MECOM: variants seen among roughly 807,000 people sequenced by gnomAD.
The protein encoded by MECOM is MDS1 and EVI1 complex locus, also known as histone-lysine N-methyltransferase MECOM.
Under a neutral mutation model 116.3 loss-of-function variants are expected in MECOM, and 13 were observed. The observed-to-expected ratio is 0.11, with a 90% CI of 0.07 to 0.18. The LOEUF (loss-of-function observed/expected upper bound fraction) is 0.18. MECOM is among the 10% of genes least tolerant of loss of function. The pLI is 1.00. For synonymous variants in MECOM, 528 were observed against 535.2 expected (o/e 0.99, Z 0.19); for missense variants, 1,299 against 1,509.0 (o/e 0.86, Z 2.31).
chr3:169,571,037 A>G (rs559161830), intron 1 of MECOM, among the ~76,000 whole-genome samples: 65 of 152,194 alleles, frequency 4.3e-4, no homozygotes, highest in African/African-American at 1.5e-3. Flanking sequence ...TAGGAAAAAA[A>G]AGGAAGTCAA....
chr3:169,395,438 G>A (rs1044129181), intron 1 of MECOM, among the ~76,000 whole-genome samples: 4 of 151,970 alleles, frequency 2.6e-5, no homozygotes, highest in Non-Finnish European at 1.5e-5. Context: ...TTAAAGGTAC[G>A]GTAAAAATGC....
At chr3:169,373,996 C>A (rs1403042212) in intron 2 of MECOM, among the ~76,000 whole-genome samples, 1 of 151,790 alleles carries the variant, frequency 6.6e-6, no homozygotes, top group East Asian at 1.9e-4. Flanking sequence ...AAGCCCTAAC[C>A]CCCATTAGGG....
intron 2 of MECOM, among the ~76,000 whole-genome samples, chr3:169,330,442 G>A (rs62293347): frequency 0.061 from 9,324 of 152,164 alleles, 296 homozygotes; most frequent in Non-Finnish European, 0.069. Context: ...AAAACATAAT[G>A]ACATCTAGTT....
At chr3:169,127,492 T>C (rs956255622) in intron 5 of MECOM, among the ~76,000 whole-genome samples, 1 of 152,184 alleles carries the variant, frequency 6.6e-6, no homozygotes, top group Non-Finnish European at 1.5e-5. Context: ...ATCTGAATGT[T>C]CCTAGGGGTA....
chr3:169,313,759 T>C (rs964549979), intron 2 of MECOM, among the ~76,000 whole-genome samples: 2 of 152,172 alleles, frequency 1.3e-5, no homozygotes, highest in African/African-American at 4.8e-5. Flanking sequence ...AAAATGGTTC[T>C]TTAAGAGAGG....
At position 169,559,949 on chromosome 3, in the gene MECOM, TG is replaced by T. The variant is rs1332041054; in HGVS notation, c.37+103386del. ...GATGTATTACATATTTTCAAATAAATGTTTTTTTCATACAGGATAATCTGAA... is the reference window on the plus strand; with the variant it reads ...GATGTATTACATATTTTCAAATAAATTTTTTTTCATACAGGATAATCTGAA... On this transcript the variant is annotated intron_variant, in intron 1 of 16. Coordinates refer to ENST00000651503, the MANE Select transcript of MECOM (RefSeq NM_004991.4). Among the ~76,000 whole-genome samples the T allele has an allele frequency of 2.0e-5, 3 of 152,308 alleles. No homozygotes were observed. In the East Asian group the frequency reaches 5.8e-4, roughly 29 times the overall value.
At chr3:169,389,168 C>G (rs1733856030) in intron 1 of MECOM, among the ~76,000 whole-genome samples, 1 of 152,200 alleles carries the variant, frequency 6.6e-6, no homozygotes, top group African/African-American at 2.4e-5. Context: ...ACTAGTACTC[C>G]TAAGCTATTA....
intron 1 of MECOM, among the ~76,000 whole-genome samples, chr3:169,545,376 T>C (rs16854063): frequency 6.6e-6 from 1 of 151,984 alleles, no homozygotes; most frequent in Non-Finnish European, 1.5e-5. Context: ...CCCAGGGGTA[T>C]AATCCTTAGC....
chr3:169,092,391 C>T (rs1487198740), intron 14 of MECOM, among the ~76,000 whole-genome samples: 1 of 151,534 alleles, frequency 6.6e-6, no homozygotes, highest in Non-Finnish European at 1.5e-5. Context: ...TATATAAATG[C>T]ATACATACAT....
chr3:169,086,891 C>T lies in MECOM; in HGVS notation c.3586-1848G>A, dbSNP rs1717941944. 2.0e-5 allele frequency among the ~76,000 whole-genome samples: 3 copies of T among 152,284 alleles called. No individual in the cohort carries two copies. In the South Asian group the frequency reaches 6.2e-4, roughly 32 times the overall value. Reference sequence around the variant, plus strand: ...TCTAGAAAATGGCAAAACAGCATATCTGCCTTTTGGTAATCAAAGGAAATA... The same window carrying T: ...TCTAGAAAATGGCAAAACAGCATATTTGCCTTTTGGTAATCAAAGGAAATA... On this transcript the variant is annotated intron_variant, in intron 16 of 16. Coordinates refer to ENST00000651503, the MANE Select transcript of MECOM (RefSeq NM_004991.4).
intron 1 of MECOM, among the ~76,000 whole-genome samples, chr3:169,417,160 G>A (rs547170344): frequency 0.023 from 3,463 of 151,250 alleles, 116 homozygotes; most frequent in African/African-American, 0.08. Flanking sequence ...TACCATCAGA[G>A]TGAACAGGCA....
chr3:169,622,768 G>C (rs369128960), intron 1 of MECOM, among the ~76,000 whole-genome samples: 1 of 152,166 alleles, frequency 6.6e-6, no homozygotes, highest in East Asian at 1.9e-4. Context: ...ATGAAACGAA[G>C]CCATACTCTT....
At chr3:169,597,599 T>C (rs775062639) in intron 1 of MECOM, among the ~76,000 whole-genome samples, 1 of 152,176 alleles carries the variant, frequency 6.6e-6, no homozygotes, top group East Asian at 1.9e-4. Flanking sequence ...TTTCAAAAAA[T>C]ATAATAAGCA....
intron 1 of MECOM, among the ~76,000 whole-genome samples, chr3:169,490,230 T>C (rs1752914971): frequency 1.3e-5 from 2 of 152,162 alleles, no homozygotes; most frequent in Admixed American, 6.5e-5. Context: ...CTAGCAAAAA[T>C]AGAAATTGAA....
intron 1 of MECOM, among the ~76,000 whole-genome samples, chr3:169,550,000 T>A (rs756817351): frequency 6.6e-6 from 1 of 151,852 alleles, no homozygotes; most frequent in Non-Finnish European, 1.5e-5. Flanking sequence ...AGGTGAGAAA[T>A]CTCCATACGG....
chr3:169,663,524 CTCT>C lies in MECOM; in HGVS notation c.-155_-153del, dbSNP rs1157279851. The C allele has an allele frequency of 7.7e-4, 495 of 644,104 alleles. No individual in the cohort carries two copies. Among genetic ancestry groups the C allele is most frequent in the Non-Finnish European group, 1.1e-3 (398 of 366,262 alleles). The allele number at this position is 644,104 out of a possible 1,614,324, so 39.9% of individuals were successfully genotyped here. ...TCTCTCTCTCTCTCTCTCTCTCTCT[CTCT>C]CTCCCTCCCTCCTGTTTCTCTCCTG... On this transcript the variant is annotated 5_prime_UTR_variant, in exon 1 of 17. Transcript: ENST00000651503.
In MECOM at chr3:169,083,863, A is replaced by G. The variant is rs940242697; in HGVS notation, c.*1046T>C. 2 of 218,826 alleles carry G rather than the reference A, an allele frequency of 9.1e-6. No individual in the cohort carries two copies. Among genetic ancestry groups the G allele is most frequent in the Non-Finnish European group, 1.8e-5 (2 of 108,952 alleles). The allele number at this position is 218,826 out of a possible 1,614,324, so 13.6% of individuals were successfully genotyped here. A position where few individuals can be genotyped will look rare whatever the true frequency, so the allele number is the denominator to read the frequency against. On this transcript the variant is annotated 3_prime_UTR_variant, in exon 17 of 17. Transcript: ENST00000651503. Reference sequence around the variant, plus strand: ...CATGAAAGAAATTATAATCGTTTATACAATTGAATCGATTTCAGTATTACA... The same window carrying G: ...CATGAAAGAAATTATAATCGTTTATGCAATTGAATCGATTTCAGTATTACA...
At chr3:169,367,042 C>T (rs1278770922) in intron 2 of MECOM, among the ~76,000 whole-genome samples, 1 of 152,084 alleles carries the variant, frequency 6.6e-6, no homozygotes. Context: ...CTTCTTGCAT[C>T]AACTCTTAGG....
At chr3:169,476,802 A>C (rs1750466838) in intron 1 of MECOM, 1 of 151,652 alleles carries the variant, frequency 6.6e-6, no homozygotes, top group East Asian at 1.9e-4. Flanking sequence ...ACCCTTGTGA[A>C]GCCTTGCAGG....
Sources: gnomAD v4.1 joint callset for allele counts (sites outside exome capture counted in the v4.1 genomes callset) on GRCh38, gnomAD v4.1.1 for gene constraint, MANE v1.5 for transcripts, NCBI Gene and HGNC (gene_info 2026-07-23, HGNC 2026-07-21) for gene names.